Variants in JOSD1 observed in about 807,000 individuals in gnomAD.
The protein encoded by JOSD1 is josephin-1.
JOSD1 carries 11 observed loss-of-function variants against 24.3 expected under a neutral mutation model. The observed-to-expected ratio is 0.45, with a 90% confidence interval of 0.29 to 0.75. The LOEUF (loss-of-function observed/expected upper bound fraction) is 0.75, where lower values mean the gene tolerates loss of function less well. JOSD1 is among the 30% of genes least tolerant of loss of function. The pLI is 0.11. For synonymous variants in JOSD1, 106 were observed against 93.8 expected (o/e 1.13, Z -0.75); for missense variants, 184 against 253.5 (o/e 0.73, Z 1.86).
intron 2 of JOSD1, 52 bp from the exon 3 acceptor site, chr22:38,689,476 T>C (rs1161393193): frequency 2.5e-6 from 4 of 1,607,162 alleles, no homozygotes; most frequent in Admixed American, 1.7e-5. Flanking sequence ...CTGAACCCCC[T>C]GACCCCGCAC....
intron 2 of JOSD1, among the ~76,000 whole-genome samples, chr22:38,692,674 G>C (rs561639728): frequency 1.3e-5 from 2 of 151,176 alleles, no homozygotes; most frequent in African/African-American, 4.9e-5. Context: ...CCAGCTACTC[G>C]GGAGGCTGAG....
upstream of JOSD1, chr22:38,701,043 C>T: frequency 1.1e-6 from 1 of 929,558 alleles, no homozygotes; most frequent in Non-Finnish European, 1.3e-6. Flanking sequence ...TCCTCCCAGC[C>T]GTGGCGTCAC....
chr22:38,697,555 G>A (rs527805541), intron 2 of JOSD1, among the ~76,000 whole-genome samples: 4 of 152,234 alleles, frequency 2.6e-5, no homozygotes, highest in African/African-American at 4.8e-5. Context: ...AGTCCAGAAC[G>A]TCAGTGCTGG....
At position 38,700,289 on chromosome 22, in the gene JOSD1, T is replaced by TGCCC; in HGVS notation, c.-303_-302insGGGC. The TGCCC allele has an allele frequency of 1.1e-6, 1 of 894,450 alleles. No individual in the cohort carries two copies. The highest frequency in any genetic ancestry group is 1.4e-6 in the Non-Finnish European group (1 of 733,822). The allele number at this position is 894,450 out of a possible 1,614,324, so 55.4% of individuals were successfully genotyped here. On this transcript the variant is annotated 5_prime_UTR_variant, in exon 2 of 5. Coordinates refer to ENST00000683374, the MANE Select transcript of JOSD1 (RefSeq NM_001360236.2). Reference sequence around the variant, plus strand: ...GACCTTGTTTCCGTTTCCCCACCCTTCCCTCCCACCCCCCTCCAAAATCCC... The same window carrying TGCCC: ...GACCTTGTTTCCGTTTCCCCACCCTTGCCCCCCTCCCACCCCCCTCCAAAATCCC...
chr22:38,689,912 CTGTGTGTG>C (rs57064558), intron 2 of JOSD1, among the ~76,000 whole-genome samples: 23 of 144,634 alleles, frequency 1.6e-4, no homozygotes, highest in South Asian at 6.7e-4. Flanking sequence ...TAAAGGCATT[CTGTGTGTG>C]TGTGTGTGTG....
At chr22:38,698,145 A>G (rs1189017284) in intron 2 of JOSD1, among the ~76,000 whole-genome samples, 2 of 152,226 alleles carry the variant, frequency 1.3e-5, no homozygotes, top group Non-Finnish European at 2.9e-5. Context: ...AGTAGGAGAA[A>G]TACTAATGGC....
chr22:38,688,051 C>T, intron 4 of JOSD1, 50 bp from the exon 5 acceptor site: 1 of 1,356,186 alleles, frequency 7.4e-7, no homozygotes, highest in Middle Eastern at 1.8e-4. Context: ...TTGCAAATTC[C>T]AGTCTCAGGA....
chr22:38,695,380 T>G (rs1445464254), intron 2 of JOSD1, among the ~76,000 whole-genome samples: 6 of 151,758 alleles, frequency 4.0e-5, no homozygotes, highest in Non-Finnish European at 7.4e-5. Flanking sequence ...ATATCCCCAA[T>G]CTCTTTGCTC....
In JOSD1 at chr22:38,685,908, T is replaced by G. The variant is rs945678712; in HGVS notation, c.*1994A>C. The G allele has an allele frequency of 1.3e-5, 2 of 152,640 alleles. No individual in the cohort carries two copies. Among genetic ancestry groups the G allele is most frequent in the Admixed American group, 1.3e-4 (2 of 15,274 alleles). 9.5% of individuals were successfully genotyped at this position (152,640 alleles called of 1,614,324 possible). Reference sequence around the variant, plus strand: ...TTGCATATCCCATTGGCTCATGGACTCCAAGTGCATGGGGACTCTTTCAAG... The same window carrying G: ...TTGCATATCCCATTGGCTCATGGACGCCAAGTGCATGGGGACTCTTTCAAG... On this transcript the variant is annotated 3_prime_UTR_variant, in exon 5 of 5. Transcript: ENST00000683374.
chr22:38,700,144 C>A lies in JOSD1; in HGVS notation c.-157G>T. Reference sequence around the variant, plus strand: ...TGTCACTGGGAGAAAAGATTGGAATCAAAAGGAAAAAAATAAAACCCACCT... The same window carrying A: ...TGTCACTGGGAGAAAAGATTGGAATAAAAAGGAAAAAAATAAAACCCACCT... On this transcript the variant is annotated 5_prime_UTR_variant, in exon 2 of 5. Coordinates refer to ENST00000683374, the MANE Select transcript of JOSD1 (RefSeq NM_001360236.2). 1 of 1,333,322 alleles carries A rather than the reference C, an allele frequency of 7.5e-7. No individual in the cohort carries two copies. Among genetic ancestry groups the A allele is most frequent in the African/African-American group, 1.5e-5 (1 of 65,604 alleles). 82.6% of individuals were successfully genotyped at this position (1,333,322 alleles called of 1,614,324 possible). A position where few individuals can be genotyped will look rare whatever the true frequency, so the allele number is the denominator to read the frequency against.
intron 2 of JOSD1, among the ~76,000 whole-genome samples, chr22:38,697,975 G>A (rs868546190): frequency 7.9e-5 from 12 of 152,192 alleles, no homozygotes; most frequent in Non-Finnish European, 7.3e-5. Context: ...TGGGCAAATC[G>A]CCTAAAATGA....
chr22:38,690,068 C>T (rs561643260), intron 2 of JOSD1, among the ~76,000 whole-genome samples: 3 of 152,268 alleles, frequency 2.0e-5, no homozygotes, highest in Non-Finnish European at 4.4e-5. Context: ...CATTTACTTC[C>T]AGGTTTCTTT....
Position 38,700,889 on chromosome 22 carries a change from T to G in JOSD1, c.-721A>C. 1.0e-6 allele frequency: 1 copy of G among 984,210 alleles called. No individual in the cohort carries two copies. The highest frequency in any genetic ancestry group is 4.7e-5 in the South Asian group (1 of 21,290). The allele number at this position is 984,210 out of a possible 1,614,324, so 61.0% of individuals were successfully genotyped here. On this transcript the variant is annotated 5_prime_UTR_variant, in exon 1 of 5. Coordinates refer to ENST00000683374, the MANE Select transcript of JOSD1 (RefSeq NM_001360236.2). ...CAGGGCCGCCGGGACTGCTCGCCGC[T>G]GGCGGTCCCCTCACCGCAGCCGGCC...
chr22:38,688,302 G>A (rs771073597), intron 4 of JOSD1, among the ~76,000 whole-genome samples: 3 of 152,274 alleles, frequency 2.0e-5, no homozygotes, highest in South Asian at 2.1e-4. Context: ...CGCTCTTGTC[G>A]CCTGGGCTGG....
rs1407346055 is a variant in JOSD1 at position 38,687,699 on chromosome 22, ACTC to A, written c.*200_*202del. ...TGACCACTGGCCTTAAGTGCACAGA[ACTC>A]CTACCTTCCTTGCCCAGGAACAAAA... On this transcript the variant is annotated 3_prime_UTR_variant, in exon 5 of 5. Transcript: ENST00000683374. The A allele has an allele frequency of 1.8e-6, 1 of 550,902 alleles. No individual in the cohort carries two copies. Among genetic ancestry groups the A allele is most frequent in the Non-Finnish European group, 3.2e-6 (1 of 309,528 alleles). 34.1% of individuals were successfully genotyped at this position (550,902 alleles called of 1,614,324 possible).
chr22:38,692,781 CAAAAA>C (rs61214432), intron 2 of JOSD1, among the ~76,000 whole-genome samples: 2 of 45,026 alleles, frequency 4.4e-5, no homozygotes, highest in African/African-American at 1.5e-4. Flanking sequence ...AACTCTGTCT[CAAAAA>C]AAAAAAAAAA....
intron 2 of JOSD1, among the ~76,000 whole-genome samples, chr22:38,693,415 C>T (rs2092531885): frequency 6.6e-6 from 1 of 152,184 alleles, no homozygotes; most frequent in East Asian, 1.9e-4. Context: ...TCCACCAATT[C>T]AGCCTCTATG....
chr22:38,689,275 G>A (rs1368174053), intron 3 of JOSD1, 21 bp downstream of exon 3: 2 of 1,614,080 alleles, frequency 1.2e-6, no homozygotes, highest in Non-Finnish European at 1.7e-6. Context: ...TCTCCATCAA[G>A]TCAAGCCTGA....
intron 2 of JOSD1, among the ~76,000 whole-genome samples, chr22:38,698,267 G>C (rs148633239): frequency 1.3e-5 from 2 of 152,272 alleles, no homozygotes; most frequent in Non-Finnish European, 2.9e-5. Flanking sequence ...AATTCTACTT[G>C]CTGCCAGATA....
Sources: gnomAD v4.1 joint callset for allele counts (sites outside exome capture counted in the v4.1 genomes callset) on GRCh38, gnomAD v4.1.1 for gene constraint, MANE v1.5 for transcripts, NCBI Gene and HGNC (gene_info 2026-07-23, HGNC 2026-07-21) for gene names.